Variants in THADA observed in about 807,000 individuals in gnomAD.
THADA encodes the protein tRNA (32-2'-O)-methyltransferase regulator THADA.
THADA carries 213 observed loss-of-function variants against 219.8 expected under a neutral mutation model. The observed-to-expected ratio is 0.97, with a 90% CI of 0.87 to 1.09. THADA has a LOEUF of 1.09. THADA is among the 50% of genes least tolerant of loss of function. The pLI, the probability that THADA is intolerant of heterozygous loss-of-function variation, is 0.00. For missense variants in THADA, 2,956 were observed against 2,311.3 expected (o/e 1.28, Z -5.72); for synonymous variants, 1,018 against 828.9 (o/e 1.23, Z -3.92).
At chr2:43,276,031 G>A (rs1672690285) in intron 36 of THADA, among the ~76,000 whole-genome samples, 3 of 152,190 alleles carry the variant, frequency 2.0e-5, no homozygotes, top group Admixed American at 1.3e-4. Flanking sequence ...TGCTCTTGTA[G>A]CATTAGAGCT....
intron 36 of THADA, among the ~76,000 whole-genome samples, chr2:43,271,612 CTT>C (rs11365531): frequency 0.19 from 23,056 of 118,406 alleles, 1,932 homozygotes; most frequent in African/African-American, 0.32. Flanking sequence ...ACTCTTGGAA[CTT>C]TTTTTTTTTT....
intron 14 of THADA, among the ~76,000 whole-genome samples, chr2:43,568,400 G>C (rs1013849379): frequency 9.2e-5 from 14 of 152,154 alleles, no homozygotes; most frequent in Admixed American, 3.9e-4. Flanking sequence ...CCACTCTTAT[G>C]ATGGTGTGAC....
At chr2:43,535,284 T>C (rs1432736958) in intron 21 of THADA, among the ~76,000 whole-genome samples, 1 of 151,704 alleles carries the variant, frequency 6.6e-6, no homozygotes, top group East Asian at 1.9e-4. Context: ...TTCTGAAGTT[T>C]ATCTTTTGGC....
rs80345378 is a variant in THADA at position 43,280,803 on chromosome 2, T to C, written c.5165-907A>G. On this transcript the variant is annotated intron_variant, in intron 35 of 37. Transcript: ENST00000405975. ...CTGTGCTAGGTGCTGCTGCGGACAA[T>C]GAATAATAAAAGATAGTATCTTGTC... 7.9e-3 allele frequency among the ~76,000 whole-genome samples: 1,201 copies of C among 152,230 alleles called. 16 individuals are homozygous for C. Among genetic ancestry groups the C allele is most frequent in the African/African-American group, 0.027 (1,121 of 41,552 alleles).
At chr2:43,297,641 T>G (rs1180801776) in intron 31 of THADA, among the ~76,000 whole-genome samples, 11 of 58,194 alleles carry the variant, frequency 1.9e-4, no homozygotes, top group South Asian at 6.7e-4. Flanking sequence ...GTCCGGGAGG[T>G]GAGGGGCGCC....
intron 28 of THADA, among the ~76,000 whole-genome samples, chr2:43,406,338 A>C (rs1046762820): frequency 7.2e-5 from 11 of 152,242 alleles, no homozygotes; most frequent in African/African-American, 2.7e-4. Context: ...AATATTCTTA[A>C]ATAAATGAAA....
intron 26 of THADA, among the ~76,000 whole-genome samples, chr2:43,466,810 A>G (rs976054572): frequency 1.3e-5 from 2 of 152,180 alleles, no homozygotes; most frequent in Non-Finnish European, 2.9e-5. Context: ...TATTCCTCCA[A>G]TATGACCTTA....
intron 36 of THADA, among the ~76,000 whole-genome samples, chr2:43,274,594 C>T (rs946186625): frequency 5.3e-5 from 8 of 152,100 alleles, no homozygotes; most frequent in African/African-American, 9.7e-5. Context: ...AATGCTGCAG[C>T]GGCTCAGGGA....
At chr2:43,556,602 T>A in intron 16 of THADA, 47 bp from the exon 17 acceptor site, 1 of 1,550,602 alleles carries the variant, frequency 6.4e-7, no homozygotes, top group Non-Finnish European at 8.8e-7. Context: ...AAGATCTCTT[T>A]AATTTAAAAA....
intron 12 of THADA, 144 bp from the exon 13 acceptor site, chr2:43,572,006 C>G: frequency 3.1e-6 from 2 of 646,138 alleles, no homozygotes; most frequent in South Asian, 2.2e-5. Context: ...GTTTCCTAAT[C>G]TCAAAGATCC....
chr2:43,424,044 A>G (rs1245583257), intron 28 of THADA, among the ~76,000 whole-genome samples: 1 of 152,242 alleles, frequency 6.6e-6, no homozygotes, highest in Admixed American at 6.5e-5. Context: ...GCAGCACAAC[A>G]TCAGAACATA....
Position 43,279,948 on chromosome 2 carries a change from GT to G in THADA, c.5165-53del, listed in dbSNP as rs931978793. On this transcript the variant is annotated intron_variant, in intron 35 of 37. Transcript: ENST00000405975. ...TACCTAGAATGCAATTAACAGGCAGGTGCAAATACTGCTTCAAATCCCTGGT... is the reference window on the plus strand; with the variant it reads ...TACCTAGAATGCAATTAACAGGCAGGGCAAATACTGCTTCAAATCCCTGGT... 24 of 1,442,428 alleles carry G rather than the reference GT, an allele frequency of 1.7e-5. No homozygotes were observed. In the African/African-American group the frequency reaches 2.7e-4, roughly 16 times the overall value. The allele number at this position is 1,442,428 out of a possible 1,614,324, so 89.4% of individuals were successfully genotyped here.
intron 36 of THADA, among the ~76,000 whole-genome samples, chr2:43,250,054 A>G (rs78467868): frequency 0.022 from 3,364 of 152,328 alleles, 103 homozygotes; most frequent in African/African-American, 0.073. Context: ...TCCTAGGTAC[A>G]TACCCAAGAG....
chr2:43,270,758 G>T (rs1672025702), intron 36 of THADA, among the ~76,000 whole-genome samples: 1 of 152,168 alleles, frequency 6.6e-6, no homozygotes, highest in African/African-American at 2.4e-5. Flanking sequence ...GAGGTGGGAG[G>T]ATCCCTTGAG....
At chr2:43,532,811 T>C (rs1311101366) in intron 21 of THADA, among the ~76,000 whole-genome samples, 3 of 152,082 alleles carry the variant, frequency 2.0e-5, no homozygotes, top group African/African-American at 4.8e-5. Flanking sequence ...ACCTAGGCAA[T>C]ACCATTCACG....
intron 15 of THADA, chr2:43,562,420 A>G (rs533428748): frequency 1.3e-5 from 2 of 151,696 alleles, no homozygotes; most frequent in African/African-American, 2.4e-5. Context: ...AATTTTTTGT[A>G]TTTTTAGTAG....
intron 26 of THADA, among the ~76,000 whole-genome samples, chr2:43,445,818 C>T (rs771715736): frequency 1.3e-5 from 2 of 152,210 alleles, no homozygotes; most frequent in African/African-American, 2.4e-5. Flanking sequence ...AGACTACAGG[C>T]ACATGTTGTC....
rs754559135 is a variant in THADA at position 43,320,505 on chromosome 2, A to G, written c.4379T>C (p.Ile1460Thr). The stretch of plus-strand genomic sequence containing the variant: ...GCAAGTCAATAGGAAGAGAATATCA[A>G]TATATACAGCTCTGGTCACCAAACA... ...NPCLVTRAVY[I>T]DILFLLTCCL... The change falls in exon 31 of 38, where the codon ATT (isoleucine) becomes ACT (threonine). Residue 1460 changes from isoleucine to threonine, a missense_variant. Coordinates refer to ENST00000405975, the MANE Select transcript of THADA (RefSeq NM_022065.5). 34 of 1,613,584 alleles carry G rather than the reference A, an allele frequency of 2.1e-5. 1 individual carries two copies. Among genetic ancestry groups the G allele is most frequent in the South Asian group, 3.3e-5 (3 of 91,018 alleles).
chr2:43,263,349 C>G (rs886480473), intron 36 of THADA, among the ~76,000 whole-genome samples: 2 of 151,930 alleles, frequency 1.3e-5, no homozygotes, highest in African/African-American at 4.8e-5. Context: ...GGCCATGTAC[C>G]TGACCTGGCC....
Sources: allele counts gnomAD v4.1 joint callset (sites outside exome capture counted in the v4.1 genomes callset), GRCh38; gene constraint gnomAD v4.1.1; transcripts MANE v1.5; gene names NCBI Gene and HGNC (gene_info 2026-07-23, HGNC 2026-07-21).